The following PTPRB variants were observed in gnomAD, a reference collection of about 807,000 sequenced individuals.
PTPRB encodes receptor-type tyrosine-protein phosphatase beta.
A neutral mutation model predicts 238.1 loss-of-function variants in PTPRB; 97 were observed. The ratio of observed to expected loss-of-function variants is 0.41; its 90% confidence interval spans 0.35 to 0.48. The LOEUF is 0.48. Among genes scored for constraint, PTPRB ranks in the 20% least tolerant of loss-of-function variants. The pLI, the probability that PTPRB is intolerant of heterozygous loss-of-function variation, is 0.30. For synonymous variants in PTPRB, 970 were observed against 995.4 expected, an observed-to-expected ratio of 0.97 and a Z score of 0.48; for missense variants, 2,292 against 2,681.9, an observed-to-expected ratio of 0.85 and a Z score of 3.21.
chr12:70,626,363 C>CTATT (rs1216518987), intron 2 of PTPRB, among the ~76,000 whole-genome samples: 6 of 133,782 alleles, frequency 4.5e-5, no homozygotes, highest in Non-Finnish European at 6.3e-5. Context: ...ATCTATCTAT[C>CTATT]TATATTCCTG....
At chr12:70,562,758 A>G (rs898327391) in intron 16 of PTPRB, 86 bp downstream of exon 16, 1 of 1,479,562 alleles carries the variant, frequency 6.8e-7, no homozygotes, top group Non-Finnish European at 9.2e-7. Context: ...TGAATAGAAT[A>G]GGAAACTAAG....
At chr12:70,564,283 G>A (rs1330012028) in intron 15 of PTPRB, among the ~76,000 whole-genome samples, 2 of 151,634 alleles carry the variant, frequency 1.3e-5, no homozygotes, top group Non-Finnish European at 1.5e-5. Flanking sequence ...AGGCTGAGGA[G>A]GGTGGATCAC....
Position 70,604,885 on chromosome 12 carries a change from C to T in PTPRB, c.979+4184G>A, listed in dbSNP as rs75309458. Among the ~76,000 whole-genome samples, 337 of 152,288 alleles carry T rather than the reference C, an allele frequency of 2.2e-3. 3 individuals carry two copies. Among genetic ancestry groups the T allele is most frequent in the African/African-American group, 6.9e-3 (286 of 41,548 alleles). ...CCTCAGAAGAAACTAAACCTGCAGA[C>T]ACCTTCGCCTTGGACTTCTAGCCTC... On this transcript the variant is annotated intron_variant, in intron 4 of 33. Coordinates refer to ENST00000334414, the MANE Select transcript of PTPRB (RefSeq NM_001109754.4).
At chr12:70,558,429 T>C (rs769507119) in intron 18 of PTPRB, among the ~76,000 whole-genome samples, 16 of 152,342 alleles carry the variant, frequency 1.1e-4, no homozygotes, top group Middle Eastern at 3.4e-3. Context: ...CTATGTATTT[T>C]ATCAACAACC....
chr12:70,626,226 G>A (rs993670442), intron 2 of PTPRB, among the ~76,000 whole-genome samples: 12 of 146,172 alleles, frequency 8.2e-5, no homozygotes, highest in African/African-American at 3.1e-4. Flanking sequence ...TTAACAGAGA[G>A]CAAATCATCT....
At chr12:70,544,156 A>ATACTT (rs1169479841) in intron 22 of PTPRB, among the ~76,000 whole-genome samples, 6 of 152,194 alleles carry the variant, frequency 3.9e-5, no homozygotes, top group African/African-American at 1.4e-4. Flanking sequence ...CACATCATTA[A>ATACTT]TACTTTGGTG....
chr12:70,549,569 T>C (rs1592447426), intron 21 of PTPRB, among the ~76,000 whole-genome samples: 1 of 152,238 alleles, frequency 6.6e-6, no homozygotes, highest in East Asian at 1.9e-4. Flanking sequence ...TCAATCCTAA[T>C]TATTCTTTTA....
intron 20 of PTPRB, among the ~76,000 whole-genome samples, chr12:70,554,060 A>G (rs1236711422): frequency 6.6e-6 from 1 of 152,226 alleles, no homozygotes; most frequent in East Asian, 1.9e-4. Context: ...GTCTTTCCAC[A>G]GTTCACTAAT....
chr12:70,622,261 C>A (rs1884972889), intron 3 of PTPRB, 129 bp downstream of exon 3: 2 of 1,328,980 alleles, frequency 1.5e-6, no homozygotes, highest in South Asian at 3.0e-5. Context: ...CAATTAGCAG[C>A]CAGGACACAG....
intron 3 of PTPRB, among the ~76,000 whole-genome samples, chr12:70,613,495 T>C (rs968319285): frequency 6.6e-6 from 1 of 152,188 alleles, no homozygotes. Flanking sequence ...CCAGGCTCTC[T>C]GTTTGGCAAT....
chr12:70,603,167 G>A (rs1252340135), intron 4 of PTPRB, among the ~76,000 whole-genome samples: 2 of 152,010 alleles, frequency 1.3e-5, no homozygotes, highest in Non-Finnish European at 2.9e-5. Context: ...GGCACATAAA[G>A]GAAGACCAAT....
chr12:70,626,301 A>G (rs976202928), intron 2 of PTPRB, among the ~76,000 whole-genome samples: 14 of 25,074 alleles, frequency 5.6e-4, no homozygotes, highest in African/African-American at 2.4e-3. Context: ...CCATCCATCT[A>G]TCTATCTATC....
chr12:70,580,367 A>C (rs546699467), intron 10 of PTPRB, among the ~76,000 whole-genome samples: 1 of 152,342 alleles, frequency 6.6e-6, no homozygotes, highest in Admixed American at 6.5e-5. Context: ...CAAACCAAGA[A>C]TATATAAGAG....
At chr12:70,636,165 GT>G in intron 1 of PTPRB, 99 bp from the exon 2 acceptor site, 1 of 1,155,698 alleles carries the variant, frequency 8.7e-7, no homozygotes, top group Non-Finnish European at 1.2e-6. Flanking sequence ...AAAATCACTA[GT>G]TTTACTTATA....
intron 15 of PTPRB, among the ~76,000 whole-genome samples, chr12:70,563,845 A>G (rs1878848916): frequency 6.6e-6 from 1 of 152,140 alleles, no homozygotes; most frequent in Non-Finnish European, 1.5e-5. Context: ...CCCTTCCTCT[A>G]TAATCCACTC....
At chr12:70,552,045 AG>A (rs1013162178) in intron 21 of PTPRB, among the ~76,000 whole-genome samples, 1 of 152,166 alleles carries the variant, frequency 6.6e-6, no homozygotes, top group Non-Finnish European at 1.5e-5. Context: ...ATGCCTTAGA[AG>A]GTAAATAAGT....
chr12:70,566,451 C>A lies in PTPRB; in HGVS notation c.3888G>T (p.Gln1296His). 1.2e-6 allele frequency: 2 copies of A among 1,613,842 alleles called. No homozygotes were observed. Among genetic ancestry groups the A allele is most frequent in the Non-Finnish European group, 1.7e-6 (2 of 1,179,824 alleles). ...GCTAATTACCTGTTCGGCCTTCAGT[C>A]TGGGCTTCCTTGCTAAAGAGGCCTC... is the stretch of plus-strand genomic sequence containing the variant. Reference protein sequence around the residue: ...VSGGLFSKEAQTEGRTVPAAV... With the variant: ...VSGGLFSKEAHTEGRTVPAAV... The change falls in exon 15 of 34, where the codon CAG becomes CAT. Residue 1296 changes from glutamine to histidine, a missense_variant. Around this residue, in one of 4 missense-constraint regions of PTPRB, gnomAD observed 683 missense variants for 862.0 expected, o/e 0.79. Transcript: ENST00000334414.
chr12:70,600,108 G>A (rs1883353069), intron 4 of PTPRB, among the ~76,000 whole-genome samples: 1 of 151,852 alleles, frequency 6.6e-6, no homozygotes, highest in Non-Finnish European at 1.5e-5. Flanking sequence ...ATATAGAAAT[G>A]TCTAGACTCT....
intron 21 of PTPRB, among the ~76,000 whole-genome samples, chr12:70,550,470 G>A (rs2567137): frequency 0.35 from 52,901 of 151,958 alleles, 9,883 homozygotes; most frequent in South Asian, 0.56. Context: ...GAACTATGGG[G>A]AAACCTTAAT....
Sources: allele counts gnomAD v4.1 joint callset (sites outside exome capture counted in the v4.1 genomes callset), GRCh38; gene constraint gnomAD v4.1.1; regional missense constraint gnomAD v4.1.1; transcripts MANE v1.5; gene names NCBI Gene and HGNC (gene_info 2026-07-23, HGNC 2026-07-21).